Variants in LRRC39 observed in about 807,000 individuals in gnomAD.
LRRC39 encodes leucine-rich repeat-containing protein 39.
Under a neutral mutation model 39.7 loss-of-function variants are expected in LRRC39, and 35 were observed. That is an observed-to-expected ratio of 0.88 (90% confidence interval 0.67 to 1.17). The LOEUF (loss-of-function observed/expected upper bound fraction) is 1.17. Among genes scored for constraint, LRRC39 ranks in the 50% most tolerant of loss-of-function variants. The probability of loss-of-function intolerance (pLI) is 0.00; values close to 1 mark genes in which losing one functional copy is unlikely to be tolerated. For missense variants in LRRC39, 357 were observed against 385.8 expected (o/e 0.93, Z 0.62); for synonymous variants, 113 against 134.1 (o/e 0.84, Z 1.09).
At chr1:100,169,704 A>G (rs1220561919) in intron 2 of LRRC39, among the ~76,000 whole-genome samples, 1 of 152,142 alleles carries the variant, frequency 6.6e-6, no homozygotes, top group East Asian at 1.9e-4. Flanking sequence ...ATGAATGTGA[A>G]TATTTGGGTC....
rs900416125 is a variant in LRRC39, at chr1:100,152,819, C to T, written c.813-295G>A. ...TGGACTCATGGCACCCTCCACCTCC[C>T]GGGTTCAAGTGATTCTTGTGCTTCA... On this transcript the variant is annotated intron_variant, in intron 8 of 9. Transcript: ENST00000370137. Among the ~76,000 whole-genome samples the T allele has an allele frequency of 3.3e-5, 5 of 152,166 alleles. 1 individual carries two copies. Among genetic ancestry groups the T allele is most frequent in the Non-Finnish European group, 4.4e-5 (3 of 68,036 alleles).
Position 100,148,478 on chromosome 1 carries a change from AAATAT to A in LRRC39, c.*559_*563del. 1.9e-6 allele frequency: 2 copies of A among 1,067,066 alleles called. No homozygotes were observed. Among genetic ancestry groups the A allele is most frequent in the Non-Finnish European group, 2.7e-6 (2 of 740,720 alleles). 66.1% of individuals were successfully genotyped at this position (1,067,066 alleles called of 1,614,324 possible). A position where few individuals can be genotyped will look rare whatever the true frequency, so the allele number is the denominator to read the frequency against. On this transcript the variant is annotated 3_prime_UTR_variant, in exon 10 of 10. Coordinates refer to ENST00000370137, the MANE Select transcript of LRRC39 (RefSeq NM_144620.4). ...TATACACATCTTTTATTGTGGTCAT[AAATAT>A]AATGTGTCTTGGAAGCATGGGACAA...
chr1:100,177,355 A>G (rs145903669), intron 1 of LRRC39, among the ~76,000 whole-genome samples: 83 of 152,334 alleles, frequency 5.4e-4, no homozygotes, highest in African/African-American at 1.8e-3. Flanking sequence ...ATTATGCAGT[A>G]TATATGTGTG....
rs1658697520 is a variant in LRRC39, at chr1:100,159,303, A to G, written c.332T>C (p.Leu111Ser). ...FIGRFQNLIV[L>S]DLSRNTISEI... Reference sequence around the variant, plus strand: ...TGAAATTGTGTTTCGAGATAAATCTAACACAATGAGGTTCTGGAATCTTCC... The same window carrying G: ...TGAAATTGTGTTTCGAGATAAATCTGACACAATGAGGTTCTGGAATCTTCC... Residue 111 changes from leucine (L) to serine (S), a missense_variant, in exon 5 of 10, where the codon TTA becomes TCA. Transcript: ENST00000370137. 6.2e-7 allele frequency: 1 copy of G among 1,610,618 alleles called. No homozygotes were observed. The highest frequency in any genetic ancestry group is 8.5e-7 in the Non-Finnish European group (1 of 1,178,406).
chr1:100,175,186 GGTTTTTTGTTTGTTT>G (rs1659874954), intron 1 of LRRC39, among the ~76,000 whole-genome samples: 1 of 151,504 alleles, frequency 6.6e-6, no homozygotes, highest in Non-Finnish European at 1.5e-5. Flanking sequence ...TTTGTTTTGT[GGTTTTTTGTTTGTTT>G]GTTTTTTGTT....
chr1:100,170,680 C>T (rs1002760154), intron 2 of LRRC39, among the ~76,000 whole-genome samples: 3 of 151,836 alleles, frequency 2.0e-5, no homozygotes, highest in Non-Finnish European at 4.4e-5. Context: ...TTCGTTTCTT[C>T]CTTCCTCCTT....
In LRRC39 at chr1:100,159,781, AT is replaced by A. The variant is rs574146017; in HGVS notation, c.220-367del. On this transcript the variant is annotated intron_variant, in intron 4 of 9. Coordinates refer to ENST00000370137, the MANE Select transcript of LRRC39 (RefSeq NM_144620.4). ...ATTGAAAATGAGACAATCCAAAAAA[AT>A]AATTTCAATCAATAATTCAAACTGC... 5.5e-3 allele frequency among the ~76,000 whole-genome samples: 832 copies of A among 152,214 alleles called. 11 individuals carry two copies. Among genetic ancestry groups the A allele is most frequent in the African/African-American group, 0.019 (807 of 41,548 alleles).
At chr1:100,164,460 A>G (rs1291344870) in intron 3 of LRRC39, among the ~76,000 whole-genome samples, 1 of 152,196 alleles carries the variant, frequency 6.6e-6, no homozygotes. Context: ...ACTAACCCAG[A>G]AGCTATTTTA....
upstream of LRRC39, among the ~76,000 whole-genome samples, chr1:100,179,409 C>A (rs1480464961): frequency 1.4e-5 from 2 of 147,144 alleles, no homozygotes; most frequent in South Asian, 2.1e-4. Context: ...CACCTGTAAT[C>A]CCAGCACTTT....
chr1:100,169,923 G>T (rs1659482840), intron 2 of LRRC39, among the ~76,000 whole-genome samples: 1 of 151,980 alleles, frequency 6.6e-6, no homozygotes, highest in Admixed American at 6.6e-5. Context: ...ACTGTATAAG[G>T]GTCCCCGTTG....
intron 3 of LRRC39, among the ~76,000 whole-genome samples, chr1:100,163,285 T>C (rs934060183): frequency 2.0e-5 from 3 of 152,210 alleles, no homozygotes; most frequent in African/African-American, 7.2e-5. Context: ...GACCTTTAAC[T>C]TAAGGAATTA....
intron 1 of LRRC39, among the ~76,000 whole-genome samples, chr1:100,175,986 T>A (rs1253031496): frequency 6.6e-6 from 1 of 152,206 alleles, no homozygotes; most frequent in Admixed American, 6.5e-5. Context: ...TATGTACTAA[T>A]ATTGAAGATA....
At chr1:100,165,873 CTTTTTT>C (rs370682819) in intron 3 of LRRC39, among the ~76,000 whole-genome samples, 1 of 126,708 alleles carries the variant, frequency 7.9e-6, no homozygotes, top group Non-Finnish European at 1.7e-5. Flanking sequence ...TTTCCCCTTT[CTTTTTT>C]TTTTTTTTTT....
intron 3 of LRRC39, among the ~76,000 whole-genome samples, chr1:100,165,028 C>T (rs545352368): frequency 6.6e-6 from 1 of 152,258 alleles, no homozygotes; most frequent in South Asian, 2.1e-4. Context: ...AGTCATATTA[C>T]AGGTTTTAAA....
chr1:100,151,188 C>T (rs1282822918), intron 9 of LRRC39, among the ~76,000 whole-genome samples: 1 of 151,556 alleles, frequency 6.6e-6, no homozygotes, highest in Non-Finnish European at 1.5e-5. Context: ...GCCTCTACCA[C>T]CTGATTCTAT....
chr1:100,153,655 C>G (rs1658228746), intron 8 of LRRC39, among the ~76,000 whole-genome samples: 2 of 152,138 alleles, frequency 1.3e-5, no homozygotes, highest in Non-Finnish European at 2.9e-5. Flanking sequence ...AGAAGACATA[C>G]AAGCAACCTA....
At chr1:100,170,308 A>T (rs1336775150) in intron 2 of LRRC39, among the ~76,000 whole-genome samples, 1 of 152,256 alleles carries the variant, frequency 6.6e-6, no homozygotes, top group African/African-American at 2.4e-5. Flanking sequence ...TTATTTGGCC[A>T]TAAAAATGAA....
chr1:100,179,208 T>C (rs1434359789), upstream of LRRC39, among the ~76,000 whole-genome samples: 5 of 152,150 alleles, frequency 3.3e-5, no homozygotes, highest in Admixed American at 1.3e-4. Context: ...TATGCCTGAT[T>C]ATCTCACAGA....
chr1:100,152,615 A>C, intron 8 of LRRC39, 91 bp from the exon 9 acceptor site: 1 of 1,351,442 alleles, frequency 7.4e-7, no homozygotes. Context: ...AATATACTAA[A>C]TTACTCGTTT....
Sources: gnomAD v4.1 joint callset for allele counts (sites outside exome capture counted in the v4.1 genomes callset) on GRCh38, gnomAD v4.1.1 for gene constraint, MANE v1.5 for transcripts, NCBI Gene and HGNC (gene_info 2026-07-23, HGNC 2026-07-21) for gene names.